The following NEBL variants were observed in gnomAD, a reference collection of about 807,000 sequenced individuals.
The protein encoded by NEBL is nebulette, also known as LIM and SH3 protein 2.
In NEBL, 122 loss-of-function variants were observed where a neutral mutation model predicts 140.2. The observed-to-expected ratio is 0.87, with a 90% CI of 0.75 to 1.01. The LOEUF (loss-of-function observed/expected upper bound fraction) is 1.01. Among genes scored for constraint, NEBL ranks in the 50% least tolerant of loss-of-function variants. The pLI is 0.00. For missense variants in NEBL, 1,365 were observed against 1,231.3 expected (o/e 1.11, Z -1.62); for synonymous variants, 436 against 398.9 (o/e 1.09, Z -1.11).
intron 4 of NEBL, among the ~76,000 whole-genome samples, chr10:20,910,946 T>C (rs1317874390): frequency 6.6e-6 from 1 of 151,628 alleles, no homozygotes; most frequent in Non-Finnish European, 1.5e-5. Flanking sequence ...GGTGGGAGGA[T>C]GGCTTGAGTC....
intron 26 of NEBL, among the ~76,000 whole-genome samples, chr10:20,802,434 C>T (rs547205262): frequency 7.6e-4 from 116 of 151,792 alleles, no homozygotes; most frequent in Non-Finnish European, 1.6e-3. Context: ...AAATAAAAGC[C>T]TCTGTTCTTA....
intron 2 of NEBL, among the ~76,000 whole-genome samples, chr10:21,076,657 A>G (rs924881543): frequency 2.2e-4 from 34 of 152,288 alleles, no homozygotes; most frequent in African/African-American, 7.9e-4. Context: ...TGATATACAC[A>G]TATGATCAGC....
intron 4 of NEBL, among the ~76,000 whole-genome samples, chr10:20,929,533 A>G (rs1479463988): frequency 6.6e-6 from 1 of 152,212 alleles, no homozygotes; most frequent in Non-Finnish European, 1.5e-5. Flanking sequence ...ATGCCCTTGC[A>G]TCTATGTATA....
At chr10:20,892,306 C>A (rs141693144) in intron 2 of NEBL, among the ~76,000 whole-genome samples, 119 of 152,332 alleles carry the variant, frequency 7.8e-4, no homozygotes, top group African/African-American at 2.6e-3. Context: ...CTGCACAACC[C>A]TGTGACATTC....
chr10:21,282,998 T>C (rs1247897538), intron 1 of NEBL, among the ~76,000 whole-genome samples: 4 of 152,012 alleles, frequency 2.6e-5, no homozygotes, highest in Non-Finnish European at 5.9e-5. Context: ...TAGCCAGGCA[T>C]GGTGGCATGC....
upstream of NEBL, chr10:20,897,631 A>G (rs1158689078): frequency 8.0e-6 from 6 of 753,206 alleles, no homozygotes; most frequent in Non-Finnish European, 9.7e-6. Flanking sequence ...TGTTATCTCA[A>G]AGATTCCTTG....
At chr10:20,852,694 AT>A in intron 9 of NEBL, 45 bp from the exon 10 acceptor site, 1 of 1,417,532 alleles carries the variant, frequency 7.1e-7, no homozygotes. Context: ...AAAGAGACTG[AT>A]TAGAGCAATA....
At chr10:20,788,513 A>T (rs1048492539) in intron 26 of NEBL, among the ~76,000 whole-genome samples, 1 of 152,150 alleles carries the variant, frequency 6.6e-6, no homozygotes, top group African/African-American at 2.4e-5. Flanking sequence ...GAAAATTACA[A>T]ATCATTTAAT....
At chr10:20,998,394 A>G (rs139129696) in intron 3 of NEBL, among the ~76,000 whole-genome samples, 3 of 152,298 alleles carry the variant, frequency 2.0e-5, no homozygotes, top group East Asian at 3.9e-4. Context: ...CAACTGGCTC[A>G]TCGTTAACTC....
intron 5 of NEBL, among the ~76,000 whole-genome samples, chr10:20,876,512 T>C (rs1352328040): frequency 3.3e-5 from 5 of 152,194 alleles, no homozygotes; most frequent in African/African-American, 7.2e-5. Context: ...GCTTTCTCAC[T>C]TTCTGATGGA....
upstream of NEBL, chr10:20,899,690 A>G: frequency 3.5e-6 from 1 of 289,378 alleles, no homozygotes; most frequent in South Asian, 3.2e-5. Context: ...TAGGATCAGA[A>G]CCTAACTAGA....
chr10:21,209,365 T>A (rs1400703912), intron 3 of NEBL, among the ~76,000 whole-genome samples: 1 of 152,262 alleles, frequency 6.6e-6, no homozygotes, highest in Non-Finnish European at 1.5e-5. Context: ...AGTATAAGTA[T>A]GTATGTCCCA....
At chr10:21,020,475 C>T (rs1838743156) in intron 2 of NEBL, among the ~76,000 whole-genome samples, 1 of 152,128 alleles carries the variant, frequency 6.6e-6, no homozygotes, top group South Asian at 2.1e-4. Flanking sequence ...CTCCTAACCT[C>T]CACCGTTCCT....
intron 26 of NEBL, among the ~76,000 whole-genome samples, chr10:20,801,980 G>A (rs1237594784): frequency 1.5e-4 from 23 of 152,126 alleles, no homozygotes; most frequent in Admixed American, 1.5e-3. Flanking sequence ...TTGGAAAGCT[G>A]AAAATATTTA....
chr10:20,834,441 C>A (rs764447160), intron 14 of NEBL, among the ~76,000 whole-genome samples: 1 of 152,202 alleles, frequency 6.6e-6, no homozygotes, highest in Non-Finnish European at 1.5e-5. Flanking sequence ...GAAACCTATA[C>A]CATCTCCACT....
At chr10:20,885,184 A>C (rs193226446) in intron 4 of NEBL, among the ~76,000 whole-genome samples, 1 of 152,344 alleles carries the variant, frequency 6.6e-6, no homozygotes, top group East Asian at 1.9e-4. Flanking sequence ...ATCTGATACT[A>C]TTTGGACACT....
chr10:20,978,067 C>T (rs1836875136), intron 3 of NEBL, among the ~76,000 whole-genome samples: 1 of 152,118 alleles, frequency 6.6e-6, no homozygotes, highest in Non-Finnish European at 1.5e-5. Context: ...ATGCTCTGGG[C>T]TCCTAACGCT....
chr10:21,201,379 AG>A (rs1841733116), intron 3 of NEBL, among the ~76,000 whole-genome samples: 4 of 152,198 alleles, frequency 2.6e-5, no homozygotes, highest in African/African-American at 9.7e-5. Context: ...GAATTCCAAA[AG>A]CCTAACATAA....
chr10:21,172,088 G>A (rs1259131734), intron 2 of NEBL: 5 of 416,422 alleles, frequency 1.2e-5, no homozygotes, highest in South Asian at 1.0e-4. Flanking sequence ...GAGCCCACAC[G>A]TTCTCAGTGG....
Sources: allele counts gnomAD v4.1 joint callset (sites outside exome capture counted in the v4.1 genomes callset), GRCh38; gene constraint gnomAD v4.1.1; transcripts MANE v1.5; gene names NCBI Gene and HGNC (gene_info 2026-07-23, HGNC 2026-07-21).